AKAP6: variants seen among roughly 807,000 people sequenced by gnomAD.
AKAP6 encodes the protein A-kinase anchoring protein 6, also known as A-kinase anchor protein 6.
AKAP6 carries 58 observed loss-of-function variants against 188.5 expected under a neutral mutation model. The ratio of observed to expected loss-of-function variants is 0.31; its 90% confidence interval spans 0.25 to 0.38. AKAP6 has a LOEUF of 0.38. AKAP6 is among the 10% of genes least tolerant of loss of function. The pLI is 1.00. For synonymous variants in AKAP6, 989 were observed against 998.6 expected, an observed-to-expected ratio of 0.99 and a Z score of 0.18; for missense variants, 2,710 against 2,740.0, an observed-to-expected ratio of 0.99 and a Z score of 0.24.
At chr14:32,331,435 G>A (rs1343296552) in intron 1 of AKAP6, among the ~76,000 whole-genome samples, 3 of 151,910 alleles carry the variant, frequency 2.0e-5, no homozygotes, top group Non-Finnish European at 2.9e-5. Flanking sequence ...ACATCCTCCC[G>A]GTTCAGACAA....
chr14:32,432,804 T>C (rs1215397002), intron 1 of AKAP6, among the ~76,000 whole-genome samples: 2 of 152,150 alleles, frequency 1.3e-5, no homozygotes, highest in African/African-American at 4.8e-5. Context: ...TTGAACAAGA[T>C]AGAAGTTTGG....
In AKAP6 at chr14:32,535,710, C is replaced by T. The variant is rs560322966; in HGVS notation, c.481C>T (p.Leu161=). Residue 161 remains leucine (L), a synonymous_variant, in exon 3 of 14, where the codon CTG becomes TTG. Coordinates refer to ENST00000280979, the MANE Select transcript of AKAP6 (RefSeq NM_004274.5). ...WHQLRVSVLV[L]RERILQGLQD... ...CCAGCTTCGAGTCTCAGTGCTGGTTCTGCGGGAGCGCATTCTGCAAGGTCT... is the reference window on the plus strand; with the variant it reads ...CCAGCTTCGAGTCTCAGTGCTGGTTTTGCGGGAGCGCATTCTGCAAGGTCT... 2.5e-6 allele frequency: 4 copies of T among 1,614,238 alleles called. No individual in the cohort carries two copies. The highest frequency in any genetic ancestry group is 3.3e-5 in the Admixed American group (2 of 60,034).
intron 5 of AKAP6, among the ~76,000 whole-genome samples, chr14:32,593,381 C>T (rs1885566462): frequency 6.6e-6 from 1 of 152,108 alleles, no homozygotes; most frequent in Non-Finnish European, 1.5e-5. Context: ...GATGACTTGG[C>T]AAAAGAATGT....
At position 32,824,708 on chromosome 14, in the gene AKAP6, A is replaced by C; in HGVS notation, c.6895A>C (p.Thr2299Pro). The C allele has an allele frequency of 1.2e-6, 2 of 1,613,720 alleles. No individual in the cohort carries two copies. Among genetic ancestry groups the C allele is most frequent in the Non-Finnish European group, 1.7e-6 (2 of 1,179,888 alleles). ...GGCCGCATTGCATCCCAGCCCCAAAACTTTAACCTGTGAAGAAAATCTTCT... is the reference window on the plus strand; with the variant it reads ...GGCCGCATTGCATCCCAGCCCCAAACCTTTAACCTGTGAAGAAAATCTTCT... Reference protein sequence around the residue: ...DKAALHPSPKTLTCEENLLNL... With the variant: ...DKAALHPSPKPLTCEENLLNL... Residue 2299 changes from threonine (T) to proline (P), a missense_variant, in exon 13 of 14, where the codon ACT (threonine) becomes CCT (proline). This residue lies in a region of AKAP6 where 2,473 missense variants were observed against 2,426.1 expected (regional missense o/e 1.02). Transcript: ENST00000280979.
chr14:32,667,175 C>T (rs1405569622), intron 7 of AKAP6, among the ~76,000 whole-genome samples: 1 of 151,968 alleles, frequency 6.6e-6, no homozygotes, highest in Non-Finnish European at 1.5e-5. Context: ...ACCCTCGGAG[C>T]CTAAAATGGA....
intron 9 of AKAP6, among the ~76,000 whole-genome samples, chr14:32,705,423 T>C (rs1254318420): frequency 6.6e-6 from 1 of 152,136 alleles, no homozygotes; most frequent in Non-Finnish European, 1.5e-5. Context: ...CAACATTTGA[T>C]AAAAAGAGAA....
intron 1 of AKAP6, among the ~76,000 whole-genome samples, chr14:32,409,845 C>T (rs1159973391): frequency 1.3e-5 from 2 of 152,168 alleles, no homozygotes; most frequent in South Asian, 2.1e-4. Flanking sequence ...GGTTTACTCA[C>T]TTCTCTTGAT....
At chr14:32,388,820 A>G (rs569842403) in intron 1 of AKAP6, among the ~76,000 whole-genome samples, 1 of 152,174 alleles carries the variant, frequency 6.6e-6, no homozygotes, top group African/African-American at 2.4e-5. Context: ...AATAGAATGT[A>G]TATTCTGCGG....
chr14:32,750,981 C>A (rs1473320723), intron 11 of AKAP6, among the ~76,000 whole-genome samples: 1 of 151,552 alleles, frequency 6.6e-6, no homozygotes, highest in Non-Finnish European at 1.5e-5. Flanking sequence ...GTGATCCACC[C>A]CCTTGGCCTC....
intron 7 of AKAP6, among the ~76,000 whole-genome samples, chr14:32,650,278 G>T (rs1171621599): frequency 2.0e-5 from 3 of 152,102 alleles, no homozygotes; most frequent in Non-Finnish European, 4.4e-5. Context: ...ACGCATAGCG[G>T]TTTGTCTTTC....
At chr14:32,782,714 C>T (rs1043754516) in intron 12 of AKAP6, among the ~76,000 whole-genome samples, 2 of 152,068 alleles carry the variant, frequency 1.3e-5, no homozygotes, top group Non-Finnish European at 2.9e-5. Context: ...GAACTGTATG[C>T]AAACAGCTAC....
intron 7 of AKAP6, among the ~76,000 whole-genome samples, chr14:32,640,611 T>G (rs908149381): frequency 6.6e-6 from 1 of 152,184 alleles, no homozygotes; most frequent in African/African-American, 2.4e-5. Flanking sequence ...TCAACATGCC[T>G]CACATTGTAA....
chr14:32,334,201 T>C (rs1175422322), intron 1 of AKAP6, among the ~76,000 whole-genome samples: 1 of 152,182 alleles, frequency 6.6e-6, no homozygotes, highest in African/African-American at 2.4e-5. Context: ...ATTTAGCCTT[T>C]TGTGGTTATG....
rs374236907 is a variant in AKAP6 at position 32,744,708 on chromosome 14, C to T, written c.3372+8826C>T. Among the ~76,000 whole-genome samples the T allele has an allele frequency of 9.2e-5, 14 of 152,170 alleles. No homozygotes were observed. The East Asian group carries it at 1.2e-3, about 13-fold the overall frequency. ...ATCCCTTTGAATGAACTTTCTATTC[C>T]TATCTCTCTACCTCCTCTTTAAGGC... On this transcript the variant is annotated intron_variant, in intron 11 of 13. Coordinates refer to ENST00000280979, the MANE Select transcript of AKAP6 (RefSeq NM_004274.5).
intron 9 of AKAP6, among the ~76,000 whole-genome samples, chr14:32,697,134 T>C (rs985462419): frequency 6.6e-6 from 1 of 152,210 alleles, no homozygotes; most frequent in Non-Finnish European, 1.5e-5. Flanking sequence ...TCTTCTTCAA[T>C]GGTATCATTT....
At chr14:32,675,953 C>T (rs1441301102) in intron 7 of AKAP6, among the ~76,000 whole-genome samples, 1 of 152,144 alleles carries the variant, frequency 6.6e-6, no homozygotes, top group Non-Finnish European at 1.5e-5. Context: ...ATGAAGTTGA[C>T]TTCTCTCGTT....
At chr14:32,825,134 G>A (rs985362862) in intron 13 of AKAP6, among the ~76,000 whole-genome samples, 2 of 152,054 alleles carry the variant, frequency 1.3e-5, no homozygotes, top group African/African-American at 2.4e-5. Context: ...TATCCAAATC[G>A]CAATTATACT....
intron 2 of AKAP6, among the ~76,000 whole-genome samples, chr14:32,492,383 G>GAGAGAGAGAGAGAGAGAGAGAGAGA (rs1566537012): frequency 1.4e-5 from 2 of 141,482 alleles, no homozygotes; most frequent in Admixed American, 7.1e-5. Flanking sequence ...GAGAGAGAGA[G>GAGAGAGAGAGAGAGAGAGAGAGAGA]GCATTTGGAT....
chr14:32,767,695 CTT>C (rs2032761165), intron 11 of AKAP6, among the ~76,000 whole-genome samples: 1 of 152,140 alleles, frequency 6.6e-6, no homozygotes, highest in African/African-American at 2.4e-5. Flanking sequence ...CCTATCCTCT[CTT>C]CTCTCCACCT....
Sources: gnomAD v4.1 joint callset for allele counts (sites outside exome capture counted in the v4.1 genomes callset) on GRCh38, gnomAD v4.1.1 for gene constraint, gnomAD v4.1.1 regional missense constraint, MANE v1.5 for transcripts, NCBI Gene and HGNC (gene_info 2026-07-23, HGNC 2026-07-21) for gene names.